GOLGA6L9: variants seen among roughly 807,000 people sequenced by gnomAD.
GOLGA6L9 encodes the protein golgin A6 family like 9, also known as golgin subfamily A member 6-like protein 9.
In GOLGA6L9, 19 loss-of-function variants were observed where a neutral mutation model predicts 51.3. The ratio of observed to expected loss-of-function variants is 0.37; its 90% CI spans 0.26 to 0.54. GOLGA6L9 has a LOEUF of 0.54. GOLGA6L9 is among the 20% of genes least tolerant of loss of function. GOLGA6L9 has a pLI of 0.83. For missense variants in GOLGA6L9, 247 were observed against 464.1 expected (o/e 0.53, Z 4.30); for synonymous variants, 97 against 184.2 (o/e 0.53, Z 3.83).
the GOLGA6L9 span, among the ~76,000 whole-genome samples, chr15:82,421,979 TAAAG>T: frequency 5.7e-5 from 3 of 52,860 alleles, no homozygotes; most frequent in Non-Finnish European, 9.3e-5. Flanking sequence ...TAAAATGAAA[TAAAG>T]AAATAAAAAA....
Position 82,429,927 on chromosome 15 carries a change from C to T in GOLGA6L9, c.-153C>T. On this transcript the variant is annotated 5_prime_UTR_variant, in exon 1 of 9. Transcript: ENST00000618348. ...GCCTGGCCACGCCTCCTTTCCCTTT[C>T]ATCTTTCTCACTGACCAATGGGCTT... The T allele has an allele frequency of 1.1e-6, 1 of 950,680 alleles. No homozygotes were observed. Among genetic ancestry groups the T allele is most frequent in the South Asian group, 1.3e-5 (1 of 77,632 alleles). The allele number at this position is 950,680 out of a possible 1,614,324, so 58.9% of individuals were successfully genotyped here. A position where few individuals can be genotyped will look rare whatever the true frequency, so the allele number is the denominator to read the frequency against.
upstream of GOLGA6L9, among the ~76,000 whole-genome samples, chr15:82,429,677 A>G (rs1363755976): frequency 6.6e-6 from 1 of 152,220 alleles, no homozygotes; most frequent in East Asian, 1.9e-4. Flanking sequence ...CATAATGAAG[A>G]CAGCTCTGGA....
At position 82,434,225 on chromosome 15, in the gene GOLGA6L9, C is replaced by CGTGAACAGGAGGAGAGGCTGT. The variant is rs1391621325; in HGVS notation, c.666_686dup (p.Cys223_Leu229dup). The stretch of plus-strand genomic sequence containing the variant: ...GCTACGTGAACAGGAGGAGAGGCTA[C>CGTGAACAGGAGGAGAGGCTGT]GTGAACAGGAGGAGAGGCTGTGTGA... On this transcript the variant is annotated inframe_insertion, in exon 6 of 9. Coordinates refer to ENST00000618348, the MANE Select transcript of GOLGA6L9 (RefSeq NM_198181.4). The CGTGAACAGGAGGAGAGGCTGT allele has an allele frequency of 2.3e-4, 355 of 1,549,078 alleles. No homozygotes were observed. The highest frequency in any genetic ancestry group is 6.6e-4 in the Admixed American group (35 of 52,816).
upstream of GOLGA6L9, among the ~76,000 whole-genome samples, chr15:82,427,694 T>C (rs1328047289): frequency 6.6e-6 from 1 of 151,706 alleles, no homozygotes; most frequent in Non-Finnish European, 1.5e-5. Flanking sequence ...ACCCAGCTAA[T>C]GTTCAAAAAT....
chr15:82,419,297 GA>G, the GOLGA6L9 span: 3 of 169,314 alleles, frequency 1.8e-5, no homozygotes, highest in African/African-American at 7.2e-5. Context: ...AGAGTGTTTT[GA>G]TTATGTAAGT....
Position 82,429,971 on chromosome 15 carries a change from C to T in GOLGA6L9, c.-109C>T. The T allele has an allele frequency of 5.8e-6, 6 of 1,037,958 alleles. No homozygotes were observed. Among genetic ancestry groups the T allele is most frequent in the East Asian group, 4.7e-5 (2 of 42,196 alleles). The allele number at this position is 1,037,958 out of a possible 1,614,324, so 64.3% of individuals were successfully genotyped here. A position where few individuals can be genotyped will look rare whatever the true frequency, so the allele number is the denominator to read the frequency against. ...TGGGCTTGGAACATTAAGGCCACGC[C>T]CCTATTCTGCGTTCCATTGGTGCCC... On this transcript the variant is annotated 5_prime_UTR_variant, in exon 1 of 9. Coordinates refer to ENST00000618348, the MANE Select transcript of GOLGA6L9 (RefSeq NM_198181.4).
rs1176064812 is a variant in GOLGA6L9 at position 82,432,890 on chromosome 15, A to G, written c.338A>G (p.Asn113Ser). The G allele has an allele frequency of 3.6e-5, 58 of 1,611,632 alleles. 1 individual carries two copies. Among genetic ancestry groups the G allele is most frequent in the South Asian group, 1.2e-4 (11 of 90,888 alleles). ...ATCAGTCAACTCACTGAAAACATCAATTCACTGGTAAGAGTCCAGTGGGGT... is the reference window on the plus strand; with the variant it reads ...ATCAGTCAACTCACTGAAAACATCAGTTCACTGGTAAGAGTCCAGTGGGGT... ...AIISQLTENI[N>S]SLVRTSKEEK... The change falls in exon 4 of 9, where the codon AAT becomes AGT. Residue 113 changes from asparagine (N) to serine (S), a missense_variant. Physicochemically the swap from Asn to Ser is conservative, Grantham distance 46. Coordinates refer to ENST00000618348, the MANE Select transcript of GOLGA6L9 (RefSeq NM_198181.4).
At chr15:82,433,238 A>G (rs1256260824) in intron 4 of GOLGA6L9, among the ~76,000 whole-genome samples, 1 of 151,610 alleles carries the variant, frequency 6.6e-6, no homozygotes, top group Non-Finnish European at 1.5e-5. Context: ...TTGAGTCTGG[A>G]CAAGCCATCT....
In GOLGA6L9 at chr15:82,437,893, A is replaced by G. The variant is rs1457462997; in HGVS notation, c.*1482A>G. 5.2e-4 allele frequency: 78 copies of G among 151,444 alleles called. 2 individuals carry two copies. Among genetic ancestry groups the G allele is most frequent in the Admixed American group, 1.7e-3 (26 of 15,192 alleles). 9.4% of individuals were successfully genotyped at this position (151,444 alleles called of 1,614,324 possible). On this transcript the variant is annotated 3_prime_UTR_variant, in exon 9 of 9. Coordinates refer to ENST00000618348, the MANE Select transcript of GOLGA6L9 (RefSeq NM_198181.4). ...TATATTTCCTCACAAAGTTCTTTAC[A>G]AAGAGTGAAATATGTTTTTATACCT...
chr15:82,435,392 G>C (rs1188087955), intron 7 of GOLGA6L9: 2 of 299,752 alleles, frequency 6.7e-6, no homozygotes, highest in East Asian at 2.0e-4. Flanking sequence ...TGTAATCCCA[G>C]CTACTCAGGA....
In GOLGA6L9 at chr15:82,436,462, A is replaced by G. The variant is rs1429509682; in HGVS notation, c.*51A>G. 20 of 1,532,450 alleles carry G rather than the reference A, an allele frequency of 1.3e-5. No individual in the cohort carries two copies. The Admixed American group carries it at 1.4e-4, about 10-fold the overall frequency. The allele number at this position is 1,532,450 out of a possible 1,614,324, so 94.9% of individuals were successfully genotyped here. ...AAAACAAAACATTTAAGGGGTTAATATCCTACACAATTCATTTACTTCATT... is the reference window on the plus strand; with the variant it reads ...AAAACAAAACATTTAAGGGGTTAATGTCCTACACAATTCATTTACTTCATT... On this transcript the variant is annotated 3_prime_UTR_variant, in exon 9 of 9. Coordinates refer to ENST00000618348, the MANE Select transcript of GOLGA6L9 (RefSeq NM_198181.4).
At chr15:82,416,912 T>G in the GOLGA6L9 span, among the ~76,000 whole-genome samples, 2 of 152,204 alleles carry the variant, frequency 1.3e-5, no homozygotes, top group African/African-American at 4.8e-5. Flanking sequence ...TTTTAGTATA[T>G]TCAGAGTTAT....
chr15:82,432,775 C>G (rs2031464300), intron 3 of GOLGA6L9, 42 bp from the exon 4 acceptor site: 1 of 1,526,318 alleles, frequency 6.6e-7, no homozygotes, highest in Admixed American at 1.7e-5. Flanking sequence ...CTACCCCTCC[C>G]CACAATCTTT....
the GOLGA6L9 span, among the ~76,000 whole-genome samples, chr15:82,417,373 T>C: frequency 1.3e-5 from 2 of 152,220 alleles, no homozygotes; most frequent in Non-Finnish European, 2.9e-5. Context: ...GGAACACATA[T>C]TGACGAAATG....
In GOLGA6L9 at chr15:82,432,804, G is replaced by C. The variant is rs1369967737; in HGVS notation, c.265-13G>C. 2 of 1,610,994 alleles carry C rather than the reference G, an allele frequency of 1.2e-6. No individual in the cohort carries two copies. The highest frequency in any genetic ancestry group is 4.5e-5 in the East Asian group (2 of 44,856). ...AATCTTTCTCCAACTCCTTCTCTCT[G>C]CATGCACCTCAGAGCCAGTACCAAG... On this transcript the variant is annotated splice_polypyrimidine_tract_variant and intron_variant, in intron 3 of 8. Transcript: ENST00000618348.
chr15:82,437,862 CAG>C lies in GOLGA6L9; in HGVS notation c.*1454_*1455del, dbSNP rs1333018887. On this transcript the variant is annotated 3_prime_UTR_variant, in exon 9 of 9. Coordinates refer to ENST00000618348, the MANE Select transcript of GOLGA6L9 (RefSeq NM_198181.4). ...CATGAGGAAAGTGTCTATACAATCA[CAG>C]AGTTATATTTCCTCACAAAGTTCTT... 6.6e-6 allele frequency: 1 copy of C among 150,488 alleles called. No homozygotes were observed. The highest frequency in any genetic ancestry group is 1.5e-5 in the Non-Finnish European group (1 of 67,210). 9.3% of individuals were successfully genotyped at this position (150,488 alleles called of 1,614,324 possible).
chr15:82,433,280 TAG>T (rs2031493573), intron 4 of GOLGA6L9, among the ~76,000 whole-genome samples: 1 of 151,800 alleles, frequency 6.6e-6, no homozygotes, highest in African/African-American at 2.4e-5. Context: ...CTGGAGGAGG[TAG>T]AGAGTATCAA....
Position 82,436,601 on chromosome 15 carries a change from T to C in GOLGA6L9, c.*190T>C. 1.7e-6 allele frequency: 1 copy of C among 577,522 alleles called. No individual in the cohort carries two copies. Among genetic ancestry groups the C allele is most frequent in the East Asian group, 3.5e-5 (1 of 28,270 alleles). The allele number at this position is 577,522 out of a possible 1,614,324, so 35.8% of individuals were successfully genotyped here. A position where few individuals can be genotyped will look rare whatever the true frequency, so the allele number is the denominator to read the frequency against. On this transcript the variant is annotated 3_prime_UTR_variant, in exon 9 of 9. Coordinates refer to ENST00000618348, the MANE Select transcript of GOLGA6L9 (RefSeq NM_198181.4). ...CTAATTTATAGTTTAAATTTATTTGTGTTTCTAATTTATAGTTTAAATTTA... is the reference window on the plus strand; with the variant it reads ...CTAATTTATAGTTTAAATTTATTTGCGTTTCTAATTTATAGTTTAAATTTA...
the GOLGA6L9 span, among the ~76,000 whole-genome samples, chr15:82,416,313 T>C: frequency 4.8e-4 from 73 of 152,212 alleles, no homozygotes; most frequent in African/African-American, 1.7e-3. Flanking sequence ...TTCTGTGGAT[T>C]GGTGACAGAT....
Sources: gnomAD v4.1 joint callset for allele counts (sites outside exome capture counted in the v4.1 genomes callset) on GRCh38, gnomAD v4.1.1 for gene constraint, MANE v1.5 for transcripts, NCBI Gene and HGNC (gene_info 2026-07-23, HGNC 2026-07-21) for gene names.